Variants in HSPB8 observed in about 807,000 individuals in gnomAD.
HSPB8 encodes heat shock protein beta-8.
In HSPB8, 9 loss-of-function variants were observed where a neutral mutation model predicts 16.5. That is an observed-to-expected ratio of 0.55 (90% CI 0.33 to 0.95). HSPB8 has a LOEUF of 0.95. HSPB8 is among the 40% of genes least tolerant of loss of function. The pLI is 0.03. For synonymous variants in HSPB8, 99 were observed against 94.8 expected, an observed-to-expected ratio of 1.04 and a Z score of -0.26; for missense variants, 238 against 251.2, an observed-to-expected ratio of 0.95 and a Z score of 0.35.
intron 1 of HSPB8, chr12:119,182,850 C>T (rs749281128): frequency 3.9e-5 from 6 of 151,994 alleles, no homozygotes; most frequent in South Asian, 2.1e-4. Context: ...ATAAGGAAGC[C>T]GAGGCCCAGA....
At chr12:119,190,357 A>C (rs1286031852) in intron 2 of HSPB8, among the ~76,000 whole-genome samples, 1 of 152,216 alleles carries the variant, frequency 6.6e-6, no homozygotes. Context: ...AGATTCCTTC[A>C]GCCAGGCTGA....
chr12:119,191,616 C>T (rs900934657), intron 2 of HSPB8, among the ~76,000 whole-genome samples: 1 of 151,974 alleles, frequency 6.6e-6, no homozygotes, highest in African/African-American at 2.4e-5. Flanking sequence ...AAAAAACTCC[C>T]CAGCCCCTCC....
chr12:119,194,028 A>C lies in HSPB8; in HGVS notation c.*170A>C, dbSNP rs1233643955. 4.1e-6 allele frequency: 3 copies of C among 734,888 alleles called. No individual in the cohort carries two copies. Among genetic ancestry groups the C allele is most frequent in the African/African-American group, 1.8e-5 (1 of 56,862 alleles). 45.5% of individuals were successfully genotyped at this position (734,888 alleles called of 1,614,324 possible). On this transcript the variant is annotated 3_prime_UTR_variant, in exon 3 of 3. Transcript: ENST00000281938. Reference sequence around the variant, plus strand: ...ATAGTGTAGTGGTAGATTTCTCCACAGGATAGCGCAATTGGCAAATCATGC... The same window carrying C: ...ATAGTGTAGTGGTAGATTTCTCCACCGGATAGCGCAATTGGCAAATCATGC...
intron 1 of HSPB8, 114 bp from the exon 2 acceptor site, chr12:119,186,911 G>A (rs1407587031): frequency 1.1e-6 from 1 of 943,082 alleles, no homozygotes; most frequent in East Asian, 2.4e-5. Context: ...CTCTAGGGTA[G>A]GCCTAAGTCA....
chr12:119,185,306 C>A (rs1401112174), intron 1 of HSPB8, among the ~76,000 whole-genome samples: 1 of 151,724 alleles, frequency 6.6e-6, no homozygotes, highest in African/African-American at 2.4e-5. Context: ...AGGCACACAC[C>A]ATCACACCTG....
At chr12:119,191,465 C>T (rs940700149) in intron 2 of HSPB8, among the ~76,000 whole-genome samples, 5 of 152,172 alleles carry the variant, frequency 3.3e-5, no homozygotes, top group African/African-American at 1.2e-4. Context: ...CTAGTTCCCT[C>T]TTTTTCTTCC....
chr12:119,187,929 G>A (rs986991298), intron 2 of HSPB8, among the ~76,000 whole-genome samples: 3 of 152,182 alleles, frequency 2.0e-5, no homozygotes, highest in African/African-American at 7.2e-5. Context: ...TACCCAGAGA[G>A]GTTTGGAGGC....
intron 2 of HSPB8, 142 bp from the exon 3 acceptor site, chr12:119,193,557 G>T: frequency 1.2e-6 from 1 of 818,870 alleles, no homozygotes; most frequent in Non-Finnish European, 2.0e-6. Flanking sequence ...CAGCTAGAAA[G>T]GGGTAGAGCC....
intron 2 of HSPB8, among the ~76,000 whole-genome samples, chr12:119,188,247 C>CTCTT (rs1555223084): frequency 6.9e-5 from 6 of 87,582 alleles, no homozygotes; most frequent in African/African-American, 2.4e-4. Context: ...CTCTCTCTCT[C>CTCTT]TTTTTTTTTT....
intron 1 of HSPB8, among the ~76,000 whole-genome samples, chr12:119,185,763 T>A (rs1354392112): frequency 1.3e-5 from 2 of 152,190 alleles, no homozygotes; most frequent in East Asian, 3.8e-4. Flanking sequence ...AGTGAGCCAC[T>A]ATGCCCGGCC....
In HSPB8 at chr12:119,179,575, C is replaced by T; in HGVS notation, c.263C>T (p.Pro88Leu). The T allele has an allele frequency of 6.2e-7, 1 of 1,612,294 alleles. No homozygotes were observed. Among genetic ancestry groups the T allele is most frequent in the Non-Finnish European group, 8.5e-7 (1 of 1,178,948 alleles). The change falls in exon 1 of 3, where the codon CCC becomes CTC. Residue 88 changes from proline (P) to leucine (L), a missense_variant. Transcript: ENST00000281938. Reference protein sequence around the residue: ...RFGVPAEGRTPPPFPGEPWKV... With the variant: ...RFGVPAEGRTLPPFPGEPWKV... ...GGGGTGCCTGCCGAGGGCAGGACCCCCCCACCCTTCCCTGGGGAGCCCTGG... is the reference window on the plus strand; with the variant it reads ...GGGGTGCCTGCCGAGGGCAGGACCCTCCCACCCTTCCCTGGGGAGCCCTGG...
chr12:119,187,773 G>C (rs892299369), intron 2 of HSPB8, among the ~76,000 whole-genome samples: 2 of 152,138 alleles, frequency 1.3e-5, no homozygotes, highest in Non-Finnish European at 1.5e-5. Context: ...TCACCATCCA[G>C]AAAGACCATC....
At chr12:119,186,904 T>C in intron 1 of HSPB8, 121 bp from the exon 2 acceptor site, 1 of 890,854 alleles carries the variant, frequency 1.1e-6, no homozygotes, top group Middle Eastern at 2.2e-4. Flanking sequence ...CTAGAGTCTC[T>C]AGGGTAGGCC....
At chr12:119,187,910 A>G (rs573228018) in intron 2 of HSPB8, among the ~76,000 whole-genome samples, 5 of 152,300 alleles carry the variant, frequency 3.3e-5, no homozygotes, top group African/African-American at 7.2e-5. Flanking sequence ...TCCTGAGAAC[A>G]CTGCATACTA....
chr12:119,190,045 C>G lies in HSPB8; in HGVS notation c.431+2957C>G, dbSNP rs1055318189. Among the ~76,000 whole-genome samples, 22 of 152,358 alleles carry G rather than the reference C, an allele frequency of 1.4e-4. No individual in the cohort carries two copies. In the South Asian group the frequency reaches 3.9e-3, roughly 27 times the overall value. On this transcript the variant is annotated intron_variant, in intron 2 of 2. Coordinates refer to ENST00000281938, the MANE Select transcript of HSPB8 (RefSeq NM_014365.3). ...GGGTAACTTGGGGCAACTTGCTTAA[C>G]TGCTCTGACCTTCCATTCCCACATC...
intron 1 of HSPB8, 119 bp downstream of exon 1, chr12:119,179,798 T>G (rs1954625593): frequency 7.6e-7 from 1 of 1,321,386 alleles, no homozygotes; most frequent in Admixed American, 2.7e-5. Context: ...ACAGGTGACC[T>G]CAGGGCTCAG....
In HSPB8 at chr12:119,194,032, T is replaced by G; in HGVS notation, c.*174T>G. On this transcript the variant is annotated 3_prime_UTR_variant, in exon 3 of 3. Transcript: ENST00000281938. ...TGTAGTGGTAGATTTCTCCACAGGA[T>G]AGCGCAATTGGCAAATCATGCTTGG... The G allele has an allele frequency of 1.4e-6, 1 of 725,978 alleles. No homozygotes were observed. The allele number at this position is 725,978 out of a possible 1,614,324, so 45.0% of individuals were successfully genotyped here. A position where few individuals can be genotyped will look rare whatever the true frequency, so the allele number is the denominator to read the frequency against.
chr12:119,186,870 A>G lies in HSPB8; in HGVS notation c.368-155A>G, dbSNP rs1413678880. ...GGACTTAGGTGGGTCTGTATGGCAG[A>G]CAAGGTCCTTGAGGCTTAGATAACT... On this transcript the variant is annotated intron_variant, in intron 1 of 2. Coordinates refer to ENST00000281938, the MANE Select transcript of HSPB8 (RefSeq NM_014365.3). The G allele has an allele frequency of 5.5e-6, 4 of 732,416 alleles. No individual in the cohort carries two copies. The Admixed American group carries it at 7.7e-5, about 14-fold the overall frequency. 45.4% of individuals were successfully genotyped at this position (732,416 alleles called of 1,614,324 possible). A position where few individuals can be genotyped will look rare whatever the true frequency, so the allele number is the denominator to read the frequency against.
chr12:119,179,975 A>G (rs564601238), intron 1 of HSPB8, among the ~76,000 whole-genome samples: 76 of 152,366 alleles, frequency 5.0e-4, no homozygotes, highest in African/African-American at 1.8e-3. Context: ...CATTTAATAT[A>G]AAGAATAGGT....
Sources: allele counts gnomAD v4.1 joint callset (sites outside exome capture counted in the v4.1 genomes callset), GRCh38; gene constraint gnomAD v4.1.1; transcripts MANE v1.5; gene names NCBI Gene and HGNC (gene_info 2026-07-23, HGNC 2026-07-21).